PLCH1: variants seen among roughly 807,000 people sequenced by gnomAD.
PLCH1 encodes the protein phospholipase C eta 1, also known as 1-phosphatidylinositol 4,5-bisphosphate phosphodiesterase eta-1.
Under a neutral mutation model 126.7 loss-of-function variants are expected in PLCH1, and 60 were observed. That is an observed-to-expected ratio of 0.47 (90% CI 0.38 to 0.59). The LOEUF is 0.59. Among genes scored for constraint, PLCH1 ranks in the 20% least tolerant of loss-of-function variants. The pLI is 0.00. For synonymous variants in PLCH1, 719 were observed against 734.9 expected (o/e 0.98, Z 0.35); for missense variants, 1,723 against 2,040.0 (o/e 0.84, Z 2.99).
chr3:155,485,886 C>T (rs1714996148), intron 21 of PLCH1, 176 bp from the exon 22 acceptor site: 3 of 602,276 alleles, frequency 5.0e-6, no homozygotes, highest in Non-Finnish European at 8.8e-6. Flanking sequence ...TCATGCACAT[C>T]TTATCAACCT....
At chr3:155,559,310 C>T (rs938734590) in intron 8 of PLCH1, among the ~76,000 whole-genome samples, 2 of 151,922 alleles carry the variant, frequency 1.3e-5, no homozygotes, top group Admixed American at 6.6e-5. Flanking sequence ...TGAGAATGCA[C>T]GGAAAACACT....
At chr3:155,687,784 G>A (rs550487941) in intron 2 of PLCH1, among the ~76,000 whole-genome samples, 9 of 152,226 alleles carry the variant, frequency 5.9e-5, no homozygotes, top group South Asian at 4.1e-4. Flanking sequence ...CCCAAGGATC[G>A]GAACACTATT....
At chr3:155,690,046 TAA>T (rs1008548264) in intron 2 of PLCH1, among the ~76,000 whole-genome samples, 5 of 101,032 alleles carry the variant, frequency 4.9e-5, no homozygotes, top group African/African-American at 1.1e-4. Context: ...AAAAAAAGAA[TAA>T]AAAAAAAAAA....
At chr3:155,504,492 C>A in intron 13 of PLCH1, 63 bp downstream of exon 13, 1 of 893,294 alleles carries the variant, frequency 1.1e-6, no homozygotes, top group Non-Finnish European at 1.9e-6. Flanking sequence ...TGATATTCTC[C>A]TGTTATCTTC....
chr3:155,639,243 G>A (rs1345809659), intron 2 of PLCH1, among the ~76,000 whole-genome samples: 1 of 152,104 alleles, frequency 6.6e-6, no homozygotes, highest in Non-Finnish European at 1.5e-5. Context: ...AAGATCACTT[G>A]AGCCCAGGAG....
intron 20 of PLCH1, 93 bp downstream of exon 20, chr3:155,488,567 C>T (rs1327125477): frequency 3.8e-6 from 4 of 1,045,892 alleles, no homozygotes; most frequent in Admixed American, 2.6e-5. Context: ...TATTTTATCA[C>T]GTATGCTATT....
intron 1 of PLCH1, among the ~76,000 whole-genome samples, chr3:155,727,936 G>T (rs1748468627): frequency 6.6e-6 from 1 of 151,232 alleles, no homozygotes. Context: ...TAAAGCAGAA[G>T]CCTTTTGAAA....
In PLCH1 at chr3:155,494,464, G is replaced by C. The variant is rs2108095449; in HGVS notation, c.1948C>G (p.Gln650Glu). The C allele has an allele frequency of 6.2e-7, 1 of 1,613,962 alleles. No individual in the cohort carries two copies. Among genetic ancestry groups the C allele is most frequent in the East Asian group, 2.2e-5 (1 of 44,884 alleles). ...FSETRAHQVV[Q>E]QKSEQFMIYN... ...ATCATGAACTGCTCTGATTTTTGCT[G>C]AACAACCTGATGTGCTCTTGTTTCA... is the stretch of plus-strand genomic sequence containing the variant. Residue 650 changes from glutamine (Q) to glutamate (E), a missense_variant, in exon 16 of 23, where the codon CAG becomes GAG. By Grantham distance (29) the Gln-to-Glu change is conservative (BLOSUM62 2). Around this residue, in one of 2 missense-constraint regions of PLCH1, gnomAD observed 776 missense variants for 1,062.9 expected, o/e 0.73. Transcript: ENST00000460012.
chr3:155,481,628 C>CT lies in PLCH1; in HGVS notation c.4397dup (p.Gln1467AlafsTer14), dbSNP rs1714069548. The CT allele has an allele frequency of 9.9e-6, 16 of 1,614,144 alleles. No individual in the cohort carries two copies. The highest frequency in any genetic ancestry group is 1.4e-5 in the Non-Finnish European group (16 of 1,180,040). Reference sequence around the variant, plus strand: ...CAGGCAAAGGAAGATGTGCCAACTGCTTGGGTACAGGGACATGCATATCTT... The same window carrying CT: ...CAGGCAAAGGAAGATGTGCCAACTGCTTTGGGTACAGGGACATGCATATCTT... On this transcript the variant is annotated frameshift_variant, in exon 23 of 23. Transcript: ENST00000460012. LOFTEE classifies it low-confidence loss of function (END_TRUNC). This position sits in a 1 kb window ranked among gnomAD's most constrained non-coding sequence, Gnocchi z 4.2.
At chr3:155,508,546 TGA>T (rs1718983315) in intron 12 of PLCH1, among the ~76,000 whole-genome samples, 1 of 139,212 alleles carries the variant, frequency 7.2e-6, no homozygotes, top group Non-Finnish European at 1.5e-5. Context: ...CCTAATTTAT[TGA>T]GAGTTTTTAG....
intron 1 of PLCH1, among the ~76,000 whole-genome samples, chr3:155,718,166 A>C (rs1747674764): frequency 6.6e-6 from 1 of 152,192 alleles, no homozygotes; most frequent in African/African-American, 2.4e-5. Flanking sequence ...CATAACATGC[A>C]TAACCTTTAC....
At chr3:155,681,719 A>G (rs1421624820) in intron 2 of PLCH1, among the ~76,000 whole-genome samples, 8 of 152,250 alleles carry the variant, frequency 5.3e-5, no homozygotes, top group Admixed American at 5.2e-4. Flanking sequence ...CAATGTAGCT[A>G]TGCAAACACA....
intron 1 of PLCH1, among the ~76,000 whole-genome samples, chr3:155,713,321 C>G (rs753692298): frequency 6.6e-6 from 1 of 152,276 alleles, no homozygotes; most frequent in Non-Finnish European, 1.5e-5. Context: ...CATACCTTGT[C>G]CCTCCAGCAG....
intron 1 of PLCH1, among the ~76,000 whole-genome samples, chr3:155,743,997 GA>G (rs1318404482): frequency 4.0e-5 from 6 of 151,002 alleles, no homozygotes; most frequent in African/African-American, 1.4e-4. Flanking sequence ...CAAGGGAAGG[GA>G]AAAGTTGGGT....
chr3:155,494,575 G>T, intron 15 of PLCH1, 58 bp from the exon 16 acceptor site: 3 of 1,327,496 alleles, frequency 2.3e-6, no homozygotes, highest in South Asian at 1.2e-5. Flanking sequence ...AAAACACCAC[G>T]CACAGAAGAC....
In PLCH1 at chr3:155,514,732, G is replaced by A. The variant is rs757993219; in HGVS notation, c.1623C>T (p.His541=). ...LKATHEGLNA[H]LKQSPDVKES... ...AGAGGGAATCAGATACCTGCTTCAG[G>A]TGTGCATTTAAGCCTTCATGCGTGG... The change falls in exon 12 of 23, where the codon CAC becomes CAT. Residue 541 remains histidine (H), a synonymous_variant. Transcript: ENST00000460012. The A allele has an allele frequency of 2.6e-6, 4 of 1,564,532 alleles. No individual in the cohort carries two copies. Among genetic ancestry groups the A allele is most frequent in the South Asian group, 1.2e-5 (1 of 83,502 alleles).
At chr3:155,697,347 G>A (rs1392968317) in intron 2 of PLCH1, among the ~76,000 whole-genome samples, 1 of 152,094 alleles carries the variant, frequency 6.6e-6, no homozygotes, top group Non-Finnish European at 1.5e-5. Context: ...CAGTGGTTGG[G>A]GGGCCGGGAT....
chr3:155,626,470 C>G (rs753004098), intron 2 of PLCH1, among the ~76,000 whole-genome samples: 5 of 151,918 alleles, frequency 3.3e-5, no homozygotes, highest in Non-Finnish European at 7.4e-5. Context: ...GAAATCCTAA[C>G]GGAAAAAGAT....
chr3:155,531,257 A>G (rs886573741), intron 10 of PLCH1, among the ~76,000 whole-genome samples: 2 of 152,220 alleles, frequency 1.3e-5, no homozygotes, highest in Non-Finnish European at 2.9e-5. Flanking sequence ...AAGGCAGGCA[A>G]TGACTCCTCT....
Sources: allele counts gnomAD v4.1 joint callset (sites outside exome capture counted in the v4.1 genomes callset), GRCh38; gene constraint gnomAD v4.1.1; regional missense constraint gnomAD v4.1.1; non-coding constraint Gnocchi (gnomAD v3.1); transcripts MANE v1.5; gene names NCBI Gene and HGNC (gene_info 2026-07-23, HGNC 2026-07-21).